Variants in PCDHA5 observed in about 807,000 individuals in gnomAD.
The protein encoded by PCDHA5 is protocadherin alpha-5.
Under a neutral mutation model 61.6 loss-of-function variants are expected in PCDHA5, and 43 were observed. The ratio of observed to expected loss-of-function variants is 0.70; its 90% CI spans 0.55 to 0.90. The LOEUF is 0.90. Ranked by LOEUF, PCDHA5 falls within the 40% of genes least tolerant of loss-of-function variation. The pLI, the probability that PCDHA5 is intolerant of heterozygous loss-of-function variation, is 0.00. For synonymous variants in PCDHA5, 627 were observed against 543.9 expected, an observed-to-expected ratio of 1.15 and a Z score of -2.13; for missense variants, 1,298 against 1,222.7, an observed-to-expected ratio of 1.06 and a Z score of -0.92.
chr5:140,907,263 C>T (rs985030606), intron 1 of PCDHA5, among the ~76,000 whole-genome samples: 2 of 152,220 alleles, frequency 1.3e-5, no homozygotes, highest in Admixed American at 1.3e-4. Flanking sequence ...CTTCAAAAGG[C>T]CATTCCATCA....
At chr5:141,006,105 GT>G (rs79904017) in intron 3 of PCDHA5, among the ~76,000 whole-genome samples, 172 of 143,342 alleles carry the variant, frequency 1.2e-3, no homozygotes, top group East Asian at 2.0e-3. Context: ...ATGGTAAGGA[GT>G]TTTTTTTTTT....
At chr5:140,884,330 G>T in intron 1 of PCDHA5, 2 of 1,613,876 alleles carry the variant, frequency 1.2e-6, no homozygotes, top group Non-Finnish European at 1.7e-6. Context: ...AGGCGCTGTG[G>T]GTCCAGAAGC....
At chr5:140,883,144 A>C (rs782107481) in intron 1 of PCDHA5, 4 of 1,614,086 alleles carry the variant, frequency 2.5e-6, no homozygotes, top group Non-Finnish European at 3.4e-6. Context: ...TGGTATATGC[A>C]TTTACCATAA....
chr5:140,850,659 C>G (rs782752701), intron 1 of PCDHA5: 1 of 1,598,246 alleles, frequency 6.3e-7, no homozygotes, highest in African/African-American at 1.3e-5. Context: ...CACTGTGCTG[C>G]GGTGCTCGGC....
At chr5:140,871,308 G>A (rs1554165414) in intron 1 of PCDHA5, 2 of 1,613,998 alleles carry the variant, frequency 1.2e-6, no homozygotes, top group Admixed American at 1.7e-5. Flanking sequence ...CGCCGGGGAA[G>A]CCCACGCTGG....
At chr5:140,825,229 A>G (rs1768482115) in intron 1 of PCDHA5, 1 of 151,364 alleles carries the variant, frequency 6.6e-6, no homozygotes, top group Admixed American at 6.6e-5. Context: ...TTTTTCTTTT[A>G]TCTGGATCTA....
Position 140,883,366 on chromosome 5 carries a change from C to A in PCDHA5, c.2352+59239C>A, listed in dbSNP as rs34923516. 1.2e-5 allele frequency: 19 copies of A among 1,614,056 alleles called. No individual in the cohort carries two copies. In the African/African-American group the frequency reaches 2.4e-4, roughly 20 times the overall value. On this transcript the variant is annotated intron_variant, in intron 1 of 3. Transcript: ENST00000529859. ...CCATCAGAGAAGACACTCAGCCTAGCGCCATTATTGCCCTAATCAGTGTGT... is the reference window on the plus strand; with the variant it reads ...CCATCAGAGAAGACACTCAGCCTAGAGCCATTATTGCCCTAATCAGTGTGT...
intron 3 of PCDHA5, among the ~76,000 whole-genome samples, chr5:141,000,006 C>T (rs1453937377): frequency 1.3e-5 from 2 of 151,992 alleles, no homozygotes; most frequent in Admixed American, 1.3e-4. Context: ...TTAGATTGGC[C>T]TCCCCATTGC....
chr5:140,966,470 T>C, intron 1 of PCDHA5: 1 of 431,298 alleles, frequency 2.3e-6, no homozygotes, highest in Non-Finnish European at 4.0e-6. Context: ...TCTTCCCTTC[T>C]GTTTCCTTTT....
intron 1 of PCDHA5, among the ~76,000 whole-genome samples, chr5:140,952,315 G>T (rs2094717881): frequency 6.8e-6 from 1 of 147,138 alleles, no homozygotes; most frequent in Non-Finnish European, 1.5e-5. Context: ...TCCAGCCTGG[G>T]CAACAAGAGT....
At chr5:140,957,289 C>T (rs1235564629) in intron 1 of PCDHA5, among the ~76,000 whole-genome samples, 1 of 152,162 alleles carries the variant, frequency 6.6e-6, no homozygotes, top group Non-Finnish European at 1.5e-5. Context: ...CCTGCAGTTT[C>T]ACTCTGAGCA....
Position 140,829,775 on chromosome 5 carries a change from G to A in PCDHA5, c.2352+5648G>A, listed in dbSNP as rs1381710258. ...GTTCGTGCTGGACGAGAACGACAAC[G>A]CGCCGGCGCTGCTGGCGCCTCGGGT... On this transcript the variant is annotated intron_variant, in intron 1 of 3. Transcript: ENST00000529859. 6.2e-7 allele frequency: 1 copy of A among 1,613,800 alleles called. No homozygotes were observed. The highest frequency in any genetic ancestry group is 8.5e-7 in the Non-Finnish European group (1 of 1,179,866).
At chr5:140,985,096 C>G (rs1486346952) in intron 3 of PCDHA5, among the ~76,000 whole-genome samples, 1 of 152,096 alleles carries the variant, frequency 6.6e-6, no homozygotes, top group Non-Finnish European at 1.5e-5. Context: ...TGCCACCAAG[C>G]CTGGCTAATT....
intron 1 of PCDHA5, among the ~76,000 whole-genome samples, chr5:140,833,911 A>T (rs1554134000): frequency 6.6e-6 from 1 of 152,184 alleles, no homozygotes; most frequent in African/African-American, 2.4e-5. Flanking sequence ...TTAAACTTGC[A>T]GTTGTTTAAA....
In PCDHA5 at chr5:140,821,707, G is replaced by C. The variant is rs2150110191; in HGVS notation, c.-69G>C. The C allele has an allele frequency of 0.014, 19,650 of 1,440,044 alleles. 1,552 individuals are homozygous for C. The African/African-American group carries it at 0.2, about 15-fold the overall frequency. 89.2% of individuals were successfully genotyped at this position (1,440,044 alleles called of 1,614,324 possible). On this transcript the variant is annotated 5_prime_UTR_variant, in exon 1 of 4. Coordinates refer to ENST00000529859, the MANE Select transcript of PCDHA5 (RefSeq NM_018908.3). ...TAATATAAAAAATATATAGTTAATT[G>C]GGAATTGAATTTACAAAATACATTG...
intron 1 of PCDHA5, chr5:140,850,811 C>T: frequency 6.3e-7 from 1 of 1,598,320 alleles, no homozygotes; most frequent in Non-Finnish European, 8.6e-7. Flanking sequence ...TCATGGCCTT[C>T]AGCCCGGGCC....
At chr5:140,898,015 T>C (rs376663063) in intron 1 of PCDHA5, among the ~76,000 whole-genome samples, 3 of 152,154 alleles carry the variant, frequency 2.0e-5, no homozygotes, top group Non-Finnish European at 4.4e-5. Context: ...TCATATCCTT[T>C]GCCCACTTTT....
intron 1 of PCDHA5, among the ~76,000 whole-genome samples, chr5:140,942,913 G>GA (rs58669311): frequency 1.5e-4 from 23 of 148,948 alleles, no homozygotes; most frequent in Middle Eastern, 3.5e-3. Flanking sequence ...TAAGCGTGAA[G>GA]AAAAAAAAAA....
intron 1 of PCDHA5, chr5:140,863,473 C>A (rs966575223): frequency 6.2e-6 from 3 of 487,660 alleles, no homozygotes; most frequent in South Asian, 1.6e-5. Flanking sequence ...TCTGGAGAGT[C>A]GCCTCCCAAG....
Sources: allele counts gnomAD v4.1 joint callset (sites outside exome capture counted in the v4.1 genomes callset), GRCh38; gene constraint gnomAD v4.1.1; transcripts MANE v1.5; gene names NCBI Gene and HGNC (gene_info 2026-07-23, HGNC 2026-07-21).